The following LMBRD1 variants were observed in gnomAD, a reference collection of about 807,000 sequenced individuals.
The protein encoded by LMBRD1 is LMBR1 domain containing 1.
A neutral mutation model predicts 74.8 loss-of-function variants in LMBRD1; 64 were observed. The ratio of observed to expected loss-of-function variants is 0.86; its 90% CI spans 0.70 to 1.05. The LOEUF (loss-of-function observed/expected upper bound fraction) is 1.05, where lower values mean the gene tolerates loss of function less well. Among genes scored for constraint, LMBRD1 ranks in the 50% least tolerant of loss-of-function variants. The probability of loss-of-function intolerance (pLI) is 0.00; values close to 1 mark genes in which losing one functional copy is unlikely to be tolerated. For missense variants in LMBRD1, 652 were observed against 645.9 expected (o/e 1.01, Z -0.10); for synonymous variants, 204 against 216.3 (o/e 0.94, Z 0.50).
chr6:69,796,514 C>A (rs1766235158), intron 1 of LMBRD1, among the ~76,000 whole-genome samples: 3 of 152,208 alleles, frequency 2.0e-5, no homozygotes, highest in African/African-American at 7.2e-5. Flanking sequence ...GGGTCTCTTC[C>A]GCCCCCAAAC....
At chr6:69,780,678 T>C in intron 2 of LMBRD1, 124 bp from the exon 3 acceptor site, 1 of 722,624 alleles carries the variant, frequency 1.4e-6, no homozygotes, top group Non-Finnish European at 2.5e-6. Context: ...AAACAATCTA[T>C]GTCTTCAATA....
intron 7 of LMBRD1, among the ~76,000 whole-genome samples, chr6:69,730,296 C>T (rs950233139): frequency 2.6e-5 from 4 of 151,980 alleles, no homozygotes; most frequent in African/African-American, 4.8e-5. Context: ...ACTCTGCAGG[C>T]CTTAGATTAT....
At chr6:69,703,390 TAGG>T (rs1244600790) in intron 9 of LMBRD1, among the ~76,000 whole-genome samples, 1 of 149,908 alleles carries the variant, frequency 6.7e-6, no homozygotes, top group Non-Finnish European at 1.5e-5. Flanking sequence ...CAATTAGTAG[TAGG>T]AGAACATGAT....
chr6:69,790,584 A>C lies in LMBRD1; in HGVS notation c.70-112T>G, dbSNP rs1766059219. 3.8e-6 allele frequency: 4 copies of C among 1,065,560 alleles called. 1 individual carries two copies. In the South Asian group the frequency reaches 5.3e-5, roughly 14 times the overall value. 66.0% of individuals were successfully genotyped at this position (1,065,560 alleles called of 1,614,324 possible). ...CCTTATGTGAAGTAAAGGTTATTTT[A>C]GTTGTGTAAGGAAAGCCCACTATCC... On this transcript the variant is annotated intron_variant, in intron 1 of 15. Coordinates refer to ENST00000649934, the MANE Select transcript of LMBRD1 (RefSeq NM_018368.4).
At chr6:69,712,453 A>T (rs369708292) in intron 9 of LMBRD1, among the ~76,000 whole-genome samples, 5 of 149,692 alleles carry the variant, frequency 3.3e-5, no homozygotes, top group Non-Finnish European at 7.4e-5. Context: ...TTTTTTTTTT[A>T]AAGTCATTTT....
intron 3 of LMBRD1, among the ~76,000 whole-genome samples, chr6:69,769,428 C>T (rs1765533643): frequency 6.6e-6 from 1 of 152,152 alleles, no homozygotes. Flanking sequence ...TACTTTGCTG[C>T]TTTAAACTGA....
intron 2 of LMBRD1, among the ~76,000 whole-genome samples, chr6:69,781,986 T>C (rs1011242199): frequency 6.6e-6 from 1 of 152,210 alleles, no homozygotes; most frequent in Admixed American, 6.5e-5. Flanking sequence ...TACTATCCTT[T>C]ACTAATAAAA....
At chr6:69,784,912 C>T (rs772600417) in intron 2 of LMBRD1, among the ~76,000 whole-genome samples, 1 of 152,064 alleles carries the variant, frequency 6.6e-6, no homozygotes, top group Non-Finnish European at 1.5e-5. Context: ...ACACAAACAC[C>T]ACAAATAAAA....
chr6:69,722,809 A>G (rs1329841179), intron 7 of LMBRD1, among the ~76,000 whole-genome samples: 2 of 152,200 alleles, frequency 1.3e-5, no homozygotes, highest in Non-Finnish European at 2.9e-5. Context: ...CAGAATATAA[A>G]TAACAAAATG....
intron 7 of LMBRD1, among the ~76,000 whole-genome samples, chr6:69,725,538 C>G (rs1386777715): frequency 6.6e-6 from 1 of 152,110 alleles, no homozygotes; most frequent in South Asian, 2.1e-4. Flanking sequence ...AAAACAGACA[C>G]ACGGACCAAT....
rs78191347 is a variant in LMBRD1 at position 69,747,291 on chromosome 6, C to T, written c.473+2050G>A. On this transcript the variant is annotated intron_variant, in intron 5 of 15. Transcript: ENST00000649934. ...CTCTCTGCAAGCACAAAGGAAAGGC[C>T]ATGTGAAGACAGAGCAAGAAGGTGG... Among the ~76,000 whole-genome samples the T allele has an allele frequency of 5.9e-5, 9 of 152,204 alleles. No homozygotes were observed. The East Asian group carries it at 1.7e-3, about 29-fold the overall frequency.
In LMBRD1 at chr6:69,796,941, G is replaced by T; in HGVS notation, c.-60C>A. 6.9e-7 allele frequency: 1 copy of T among 1,453,172 alleles called. No homozygotes were observed. Among genetic ancestry groups the T allele is most frequent in the South Asian group, 1.2e-5 (1 of 85,448 alleles). The allele number at this position is 1,453,172 out of a possible 1,614,324, so 90.0% of individuals were successfully genotyped here. A position where few individuals can be genotyped will look rare whatever the true frequency, so the allele number is the denominator to read the frequency against. On this transcript the variant is annotated 5_prime_UTR_variant, in exon 1 of 16. Coordinates refer to ENST00000649934, the MANE Select transcript of LMBRD1 (RefSeq NM_018368.4). Reference sequence around the variant, plus strand: ...GGGTGGGGAAAGGGGAGGGGGAAAGGGGAGAGAGCGCGAGATATACTGCAC... The same window carrying T: ...GGGTGGGGAAAGGGGAGGGGGAAAGTGGAGAGAGCGCGAGATATACTGCAC...
At position 69,796,878 on chromosome 6, in the gene LMBRD1, C is replaced by T. The variant is rs750119893; in HGVS notation, c.4G>A (p.Ala2Thr). Residue 2 changes from alanine (A) to threonine (T), a missense_variant, in exon 1 of 16, where the codon GCG becomes ACG. Ala to Thr is a moderately conservative substitution (Grantham distance 58). Coordinates refer to ENST00000649934, the MANE Select transcript of LMBRD1 (RefSeq NM_018368.4). ...TCCGCCGAGGCCGCGCCAGAAGTCG[C>T]CATCTTCGCTTCCGGTCCAGACCAA... MATSGAASAELV... is the reference protein window; with the variant it reads MTTSGAASAELV... 14 of 1,614,110 alleles carry T rather than the reference C, an allele frequency of 8.7e-6. No homozygotes were observed. The highest frequency in any genetic ancestry group is 2.2e-5 in the South Asian group (2 of 91,076).
chr6:69,796,196 T>C (rs1456639948), intron 1 of LMBRD1, among the ~76,000 whole-genome samples: 2 of 152,028 alleles, frequency 1.3e-5, no homozygotes, highest in African/African-American at 4.8e-5. Flanking sequence ...ATACTGGTAA[T>C]AAAGAGGGCT....
chr6:69,686,845 T>G (rs1429107781), intron 14 of LMBRD1, among the ~76,000 whole-genome samples: 2 of 152,204 alleles, frequency 1.3e-5, no homozygotes, highest in Non-Finnish European at 2.9e-5. Context: ...TTTGTAAGTT[T>G]TATTGAAACA....
intron 14 of LMBRD1, among the ~76,000 whole-genome samples, chr6:69,688,445 A>G (rs1765811944): frequency 6.7e-6 from 1 of 150,234 alleles, no homozygotes; most frequent in African/African-American, 2.4e-5. Context: ...GTGACAATGT[A>G]AGTGTTTAAA....
intron 9 of LMBRD1, chr6:69,705,599 T>C (rs1249369283): frequency 1.3e-5 from 13 of 1,028,850 alleles, no homozygotes; most frequent in Admixed American, 1.7e-5. Flanking sequence ...ATTTCTTCAC[T>C]GGTGATTTTT....
chr6:69,752,421 C>G (rs1582125261), intron 3 of LMBRD1, 65 bp from the exon 4 acceptor site: 1 of 1,274,156 alleles, frequency 7.8e-7, no homozygotes, highest in Non-Finnish European at 1.1e-6. Flanking sequence ...GGTTATCTAT[C>G]TATATGTATA....
intron 12 of LMBRD1, 68 bp from the exon 13 acceptor site, chr6:69,699,260 G>T: frequency 1.5e-6 from 2 of 1,373,812 alleles, no homozygotes; most frequent in Non-Finnish European, 2.1e-6. Context: ...TCCTTTTCTT[G>T]TGTTATGGGA....
Sources: gnomAD v4.1 joint callset for allele counts (sites outside exome capture counted in the v4.1 genomes callset) on GRCh38, gnomAD v4.1.1 for gene constraint, MANE v1.5 for transcripts, NCBI Gene and HGNC (gene_info 2026-07-23, HGNC 2026-07-21) for gene names.